Variants in DGKD observed in about 807,000 individuals in gnomAD.
The protein encoded by DGKD is DAG kinase delta.
In DGKD, 68 loss-of-function variants were observed where a neutral mutation model predicts 154.4. That is an observed-to-expected ratio of 0.44 (90% CI 0.36 to 0.54). The LOEUF is 0.54. DGKD is among the 20% of genes least tolerant of loss of function. The probability of loss-of-function intolerance (pLI) is 0.00; values close to 1 mark genes in which losing one functional copy is unlikely to be tolerated. For missense variants in DGKD, 1,343 were observed against 1,593.6 expected (o/e 0.84, Z 2.68); for synonymous variants, 693 against 638.0 (o/e 1.09, Z -1.30).
Position 233,467,087 on chromosome 2 carries a change from G to A in DGKD, c.3308G>A (p.Ser1103Asn). 1 of 1,611,874 alleles carries A rather than the reference G, an allele frequency of 6.2e-7. No individual in the cohort carries two copies. The highest frequency in any genetic ancestry group is 8.5e-7 in the Non-Finnish European group (1 of 1,177,888). Reference sequence around the variant, plus strand: ...AGTATTCCTCATTCTCCCCAACAGAGTGTGATGCTGGATCTTGCCAAGCGC... The same window carrying A: ...AGTATTCCTCATTCTCCCCAACAGAATGTGATGCTGGATCTTGCCAAGCGC... ...CQSAEPGDEE[S>N]VMLDLAKRSR... is the part of the protein sequence containing the mutation. Residue 1103 changes from serine to asparagine, a missense_variant and splice_region_variant, in exon 28 of 30, where the codon AGT becomes AAT. Physicochemically the swap from Ser to Asn is conservative, Grantham distance 46. Around this residue, in one of 6 missense-constraint regions of DGKD, gnomAD observed 429 missense variants for 496.3 expected, o/e 0.86. Transcript: ENST00000264057.
At chr2:233,386,069 G>A in intron 1 of DGKD, 1 of 447,162 alleles carries the variant, frequency 2.2e-6, no homozygotes, top group Non-Finnish European at 4.6e-6. Flanking sequence ...TGTATGAGAT[G>A]TGTAGCAGGA....
At chr2:233,450,798 A>T (rs1415017195) in intron 16 of DGKD, 124 bp from the exon 17 acceptor site, 3 of 1,253,202 alleles carry the variant, frequency 2.4e-6, no homozygotes, top group Non-Finnish European at 3.4e-6. Context: ...CACTTCACGC[A>T]ACTGCCTGTG....
intron 1 of DGKD, among the ~76,000 whole-genome samples, chr2:233,375,658 A>G (rs1201649836): frequency 6.6e-6 from 1 of 152,138 alleles, no homozygotes; most frequent in African/African-American, 2.4e-5. Context: ...CACCAGCTTC[A>G]GGCCTCTGGT....
rs2063573185 is a variant in DGKD, at chr2:233,459,971, G to A, written c.2829+80G>A. 3.3e-6 allele frequency: 5 copies of A among 1,511,148 alleles called. No individual in the cohort carries two copies. Among genetic ancestry groups the A allele is most frequent in the Non-Finnish European group, 4.4e-6 (5 of 1,133,520 alleles). The allele number at this position is 1,511,148 out of a possible 1,614,324, so 93.6% of individuals were successfully genotyped here. On this transcript the variant is annotated intron_variant, in intron 23 of 29. Transcript: ENST00000264057. The surrounding 1 kb of genome is among the most constrained non-coding windows in gnomAD (Gnocchi z 5.7). ...CTTGTGTGCACTGTTAAGAGCTGGA[G>A]CTTTTTGTGTTTTGTTCTAGGATTT...
intron 17 of DGKD, 88 bp downstream of exon 17, chr2:233,451,138 G>A (rs757927576): frequency 2.1e-5 from 31 of 1,460,292 alleles, no homozygotes; most frequent in Middle Eastern, 2.0e-4. Context: ...CGCTGCCCTC[G>A]GAGAGTTTAC....
Position 233,449,617 on chromosome 2 carries a change from C to T in DGKD, c.1888+241C>T, listed in dbSNP as rs2063202299. Among the ~76,000 whole-genome samples the T allele has an allele frequency of 6.6e-6, 1 of 152,164 alleles. No homozygotes were observed. Among genetic ancestry groups the T allele is most frequent in the African/African-American group, 2.4e-5 (1 of 41,442 alleles). The stretch of plus-strand genomic sequence containing the variant: ...CGACCTCTTTCCTGGCCCTCATTGA[C>T]TTCACTATAAGCGTCTCACTCCCGT... On this transcript the variant is annotated intron_variant, in intron 15 of 29. Coordinates refer to ENST00000264057, the MANE Select transcript of DGKD (RefSeq NM_152879.3). This position sits in a 1 kb window ranked among gnomAD's most constrained non-coding sequence, Gnocchi z 5.3.
At chr2:233,414,826 G>A (rs2061920106) in intron 3 of DGKD, among the ~76,000 whole-genome samples, 1 of 152,180 alleles carries the variant, frequency 6.6e-6, no homozygotes, top group Non-Finnish European at 1.5e-5. Context: ...GATTGGCTGG[G>A]GAATGAGGCC....
At chr2:233,468,164 G>C (rs2063886968) in intron 28 of DGKD, among the ~76,000 whole-genome samples, 1 of 151,200 alleles carries the variant, frequency 6.6e-6, no homozygotes, top group Admixed American at 6.6e-5. Flanking sequence ...GGTGCTGTTG[G>C]CTGGGTGATG....
At chr2:233,415,676 T>C (rs2061942527) in intron 3 of DGKD, among the ~76,000 whole-genome samples, 1 of 152,230 alleles carries the variant, frequency 6.6e-6, no homozygotes, top group South Asian at 2.1e-4. Context: ...CTGTCTGAAG[T>C]GCAATGGCGT....
Position 233,396,759 on chromosome 2 carries a change from CTGTG to C in DGKD, c.348+6280_348+6283del, listed in dbSNP as rs113274382. 6.2e-3 allele frequency among the ~76,000 whole-genome samples: 948 copies of C among 152,174 alleles called. 20 individuals carry two copies. In the East Asian group the frequency reaches 0.083, roughly 13 times the overall value. On this transcript the variant is annotated intron_variant, in intron 3 of 29. Transcript: ENST00000264057. ...TGTCTGTGTGTTTCTTTGTGTGTGT[CTGTG>C]TGTTTCTTGTGCAAATAGGCACCTC...
At chr2:233,426,583 G>A (rs753435157) in intron 3 of DGKD, among the ~76,000 whole-genome samples, 1 of 152,144 alleles carries the variant, frequency 6.6e-6, no homozygotes, top group Non-Finnish European at 1.5e-5. Context: ...GTCGTCTTGT[G>A]TCAGGCTTAT....
At chr2:233,411,735 T>C (rs1184037433) in intron 3 of DGKD, among the ~76,000 whole-genome samples, 1 of 152,192 alleles carries the variant, frequency 6.6e-6, no homozygotes, top group Non-Finnish European at 1.5e-5. Context: ...CAGAAAACCC[T>C]TGTCTACCTC....
At chr2:233,446,077 A>T (rs2063059870) in intron 11 of DGKD, among the ~76,000 whole-genome samples, 1 of 152,238 alleles carries the variant, frequency 6.6e-6, no homozygotes, top group Non-Finnish European at 1.5e-5. Context: ...TCTAATACCC[A>T]TCGGAAGAAT....
Position 233,358,809 on chromosome 2 carries a change from A to C in DGKD, c.156+4135A>C, listed in dbSNP as rs182432726. Among the ~76,000 whole-genome samples the C allele has an allele frequency of 2.0e-5, 3 of 152,266 alleles. No homozygotes were observed. In the East Asian group the frequency reaches 5.8e-4, roughly 29 times the overall value. On this transcript the variant is annotated intron_variant, in intron 1 of 29. Coordinates refer to ENST00000264057, the MANE Select transcript of DGKD (RefSeq NM_152879.3). ...TTTATCCATTTATCAGTTGATGGACATTTGGGTTATTTCTACTTTTTGGCT... is the reference window on the plus strand; with the variant it reads ...TTTATCCATTTATCAGTTGATGGACCTTTGGGTTATTTCTACTTTTTGGCT...
At chr2:233,377,360 A>G (rs1702634223) in intron 1 of DGKD, among the ~76,000 whole-genome samples, 1 of 152,226 alleles carries the variant, frequency 6.6e-6, no homozygotes, top group South Asian at 2.1e-4. Flanking sequence ...CTGGGATTAC[A>G]GGCGTGAGCC....
At chr2:233,390,356 T>C (rs1703516472) in intron 2 of DGKD, 47 bp from the exon 3 acceptor site, 3 of 1,499,492 alleles carry the variant, frequency 2.0e-6, no homozygotes, top group Non-Finnish European at 2.8e-6. Flanking sequence ...TGCTTAGGGA[T>C]GTACCTGTCT....
intron 3 of DGKD, among the ~76,000 whole-genome samples, chr2:233,406,589 G>C (rs1483080899): frequency 6.6e-6 from 1 of 152,178 alleles, no homozygotes; most frequent in African/African-American, 2.4e-5. Context: ...TTCATAACCA[G>C]GATTCATGGC....
chr2:233,434,524 G>T (rs1159565456), intron 4 of DGKD, 40 bp downstream of exon 4: 2 of 1,578,940 alleles, frequency 1.3e-6, no homozygotes, highest in Non-Finnish European at 8.7e-7. Context: ...GCCTCCTGTT[G>T]CCTCCCTCAC....
At chr2:233,389,945 C>T (rs1703479089) in intron 2 of DGKD, among the ~76,000 whole-genome samples, 1 of 152,184 alleles carries the variant, frequency 6.6e-6, no homozygotes, top group African/African-American at 2.4e-5. Context: ...TTGTTTTAGC[C>T]AGGACCTTCC....
Sources: gnomAD v4.1 joint callset for allele counts (sites outside exome capture counted in the v4.1 genomes callset) on GRCh38, gnomAD v4.1.1 for gene constraint, gnomAD v4.1.1 regional missense constraint, Gnocchi (gnomAD v3.1) non-coding constraint, MANE v1.5 for transcripts, NCBI Gene and HGNC (gene_info 2026-07-23, HGNC 2026-07-21) for gene names.